PARD3: variants seen among roughly 807,000 people sequenced by gnomAD.
The protein encoded by PARD3 is partitioning defective 3 homolog.
Under a neutral mutation model 155.4 loss-of-function variants are expected in PARD3, and 75 were observed. The observed-to-expected ratio is 0.48, with a 90% CI of 0.40 to 0.58. The LOEUF is 0.58. Ranked by LOEUF, PARD3 falls within the 20% of genes least tolerant of loss-of-function variation. The probability of loss-of-function intolerance (pLI) is 0.00; values close to 1 mark genes in which losing one functional copy is unlikely to be tolerated. For synonymous variants in PARD3, 576 were observed against 610.5 expected (o/e 0.94, Z 0.83); for missense variants, 1,642 against 1,721.7 (o/e 0.95, Z 0.82).
In PARD3 at chr10:34,691,161, T is replaced by C. The variant is rs1245294501; in HGVS notation, c.222+5157A>G. On this transcript the variant is annotated intron_variant, in intron 2 of 24. Transcript: ENST00000374788. ...AGAGAGGAAGTCAAACTCTCCCTGT[T>C]TGCAGATGATATGGTTCTATACCTA... Among the ~76,000 whole-genome samples, 5 of 152,344 alleles carry C rather than the reference T, an allele frequency of 3.3e-5. No individual in the cohort carries two copies. The East Asian group carries it at 7.7e-4, about 24-fold the overall frequency.
At chr10:34,582,059 G>A (rs777736457) in intron 2 of PARD3, among the ~76,000 whole-genome samples, 3 of 152,122 alleles carry the variant, frequency 2.0e-5, no homozygotes, top group Non-Finnish European at 2.9e-5. Flanking sequence ...GAATTCCCCG[G>A]CAGAAACATA....
intron 1 of PARD3, among the ~76,000 whole-genome samples, chr10:34,792,834 A>T (rs1180561772): frequency 6.6e-6 from 1 of 152,244 alleles, no homozygotes; most frequent in Non-Finnish European, 1.5e-5. Context: ...CTCGCTCTTA[A>T]ATGTTCATCC....
In PARD3 at chr10:34,405,395, C is replaced by T. The variant is rs550087977; in HGVS notation, c.715-3478G>A. ...AACAATTTAATATGAAACATATTAC[C>T]CACTCGATCAAATAAAAAACATATT... On this transcript the variant is annotated intron_variant, in intron 5 of 24. Transcript: ENST00000374788. Among the ~76,000 whole-genome samples, 10 of 151,856 alleles carry T rather than the reference C, an allele frequency of 6.6e-5. 1 individual carries two copies. In the South Asian group the frequency reaches 2.1e-3, roughly 32 times the overall value.
chr10:34,486,333 C>T (rs1003238440), intron 3 of PARD3, among the ~76,000 whole-genome samples: 9 of 152,130 alleles, frequency 5.9e-5, no homozygotes, highest in African/African-American at 2.2e-4. Context: ...TTGGTATGTT[C>T]TTGGCCAAGA....
At chr10:34,520,838 CA>C (rs2082099663) in intron 2 of PARD3, among the ~76,000 whole-genome samples, 1 of 152,132 alleles carries the variant, frequency 6.6e-6, no homozygotes, top group Admixed American at 6.6e-5. Context: ...AACTAAAAGT[CA>C]AGGTACCTTT....
At chr10:34,579,362 G>A (rs1290549222) in intron 2 of PARD3, among the ~76,000 whole-genome samples, 1 of 152,086 alleles carries the variant, frequency 6.6e-6, no homozygotes, top group Non-Finnish European at 1.5e-5. Context: ...CTTGCGTGAG[G>A]ATGTGCACCT....
At chr10:34,742,780 T>G (rs913856060) in intron 1 of PARD3, among the ~76,000 whole-genome samples, 8 of 152,202 alleles carry the variant, frequency 5.3e-5, no homozygotes, top group Non-Finnish European at 1.5e-5. Context: ...AAACTAATTT[T>G]TCAAAAGAAG....
intron 20 of PARD3, among the ~76,000 whole-genome samples, chr10:34,300,314 G>A (rs2134015487): frequency 6.6e-6 from 1 of 152,264 alleles, no homozygotes; most frequent in African/African-American, 2.4e-5. Context: ...CTGATTATGT[G>A]TTATAATGGT....
At chr10:34,709,322 C>T (rs189108097) in intron 1 of PARD3, among the ~76,000 whole-genome samples, 1 of 152,130 alleles carries the variant, frequency 6.6e-6, no homozygotes, top group African/African-American at 2.4e-5. Context: ...GTGGAATTTT[C>T]CACTTGTGGT....
rs575457766 is a variant in PARD3, at chr10:34,553,639, GAAAACAGAAGCAC to G, written c.223-36493_223-36481del. ...ATCACAACTAAAGACAACTCGGGATGAAAACAGAAGCACAAAACAAAAAGCAAGCGTGAGATAC... is the reference window on the plus strand; with the variant it reads ...ATCACAACTAAAGACAACTCGGGATGAAAACAAAAAGCAAGCGTGAGATAC... On this transcript the variant is annotated intron_variant, in intron 2 of 24. Coordinates refer to ENST00000374788, the MANE Select transcript of PARD3 (RefSeq NM_001184785.2). Among the ~76,000 whole-genome samples the G allele has an allele frequency of 4.1e-3, 624 of 152,258 alleles. 18 individuals are homozygous for G. The highest frequency in any genetic ancestry group is 0.037 in the Admixed American group (571 of 15,290).
chr10:34,695,341 G>T (rs921115099), intron 2 of PARD3, among the ~76,000 whole-genome samples: 1 of 152,034 alleles, frequency 6.6e-6, no homozygotes, highest in African/African-American at 2.4e-5. Flanking sequence ...CAGGCGTGGT[G>T]GTGCACGCCT....
At chr10:34,656,338 G>A (rs79061190) in intron 2 of PARD3, among the ~76,000 whole-genome samples, 2 of 152,100 alleles carry the variant, frequency 1.3e-5, no homozygotes, top group Non-Finnish European at 2.9e-5. Context: ...GTCAGTAAAG[G>A]TTTTAAATAT....
intron 1 of PARD3, among the ~76,000 whole-genome samples, chr10:34,766,077 G>C (rs1202014795): frequency 6.6e-6 from 1 of 152,162 alleles, no homozygotes; most frequent in Non-Finnish European, 1.5e-5. Context: ...ACTCCTTTTA[G>C]TGTTATGAAT....
rs189591728 is a variant in PARD3, at chr10:34,547,529, C to T, written c.223-30370G>A. On this transcript the variant is annotated intron_variant, in intron 2 of 24. Transcript: ENST00000374788. ...TCGAGATTTATTACGTTGAGTTATA[C>T]AGCTCCTATGCTCTGTAAGGAAATG... Among the ~76,000 whole-genome samples the T allele has an allele frequency of 2.6e-5, 4 of 152,322 alleles. No individual in the cohort carries two copies. The East Asian group carries it at 7.7e-4, about 29-fold the overall frequency.
At chr10:34,122,627 C>G (rs1947068910) in intron 23 of PARD3, among the ~76,000 whole-genome samples, 1 of 152,170 alleles carries the variant, frequency 6.6e-6, no homozygotes, top group African/African-American at 2.4e-5. Context: ...GGTTACTAAA[C>G]AGAATCACTC....
At chr10:34,575,822 G>T (rs2086839183) in intron 2 of PARD3, among the ~76,000 whole-genome samples, 1 of 152,096 alleles carries the variant, frequency 6.6e-6, no homozygotes, top group African/African-American at 2.4e-5. Flanking sequence ...CTTGAACCTG[G>T]AAGGTAGAGG....
chr10:34,231,910 G>A (rs962851341), intron 22 of PARD3, among the ~76,000 whole-genome samples: 3 of 152,020 alleles, frequency 2.0e-5, no homozygotes, highest in African/African-American at 7.3e-5. Flanking sequence ...TATAAAAATA[G>A]CACTTTGACC....
intron 2 of PARD3, among the ~76,000 whole-genome samples, chr10:34,581,981 A>T (rs2087534376): frequency 6.6e-6 from 1 of 152,228 alleles, no homozygotes; most frequent in South Asian, 2.1e-4. Flanking sequence ...CATTAGCTCT[A>T]CAACTAAAGG....
At chr10:34,627,156 T>C (rs569481995) in intron 2 of PARD3, among the ~76,000 whole-genome samples, 2 of 152,206 alleles carry the variant, frequency 1.3e-5, no homozygotes, top group South Asian at 4.2e-4. Context: ...GCCTCCCAAG[T>C]AGCTGGGACC....
Sources: allele counts gnomAD v4.1 joint callset (sites outside exome capture counted in the v4.1 genomes callset), GRCh38; gene constraint gnomAD v4.1.1; transcripts MANE v1.5; gene names NCBI Gene and HGNC (gene_info 2026-07-23, HGNC 2026-07-21).